PRORP: variants seen among roughly 807,000 people sequenced by gnomAD.
The protein encoded by PRORP is mitochondrial ribonuclease P catalytic subunit.
Under a neutral mutation model 59.4 loss-of-function variants are expected in PRORP, and 51 were observed. The ratio of observed to expected loss-of-function variants is 0.86; its 90% CI spans 0.69 to 1.08. PRORP has a LOEUF of 1.08. PRORP is among the 50% of genes least tolerant of loss of function. The pLI, the probability that PRORP is intolerant of heterozygous loss-of-function variation, is 0.00. For synonymous variants in PRORP, 231 were observed against 245.6 expected (o/e 0.94, Z 0.55); for missense variants, 646 against 690.3 (o/e 0.94, Z 0.72).
chr14:35,158,783 T>C (rs1289197794), intron 4 of PRORP: 1 of 359,496 alleles, frequency 2.8e-6, no homozygotes, highest in African/African-American at 2.2e-5. Context: ...CTACCTTCCT[T>C]GATTAAAACT....
chr14:35,230,507 C>G (rs1160444059), intron 5 of PRORP, among the ~76,000 whole-genome samples: 1 of 152,172 alleles, frequency 6.6e-6, no homozygotes, highest in Non-Finnish European at 1.5e-5. Flanking sequence ...CTTGTTCTCC[C>G]TAAACATTGG....
chr14:35,166,925 T>C (rs1004689615), intron 4 of PRORP, among the ~76,000 whole-genome samples: 9 of 152,200 alleles, frequency 5.9e-5, no homozygotes, highest in Non-Finnish European at 1.2e-4. Context: ...GCTGGCAGTT[T>C]CCACCTTTTG....
intron 6 of PRORP, among the ~76,000 whole-genome samples, chr14:35,268,960 C>T (rs1333615542): frequency 6.6e-6 from 1 of 152,206 alleles, no homozygotes; most frequent in African/African-American, 2.4e-5. Flanking sequence ...AAGCAAACCT[C>T]TCATCCAGTT....
chr14:35,134,938 T>C (rs558774468), intron 4 of PRORP, among the ~76,000 whole-genome samples: 5 of 152,310 alleles, frequency 3.3e-5, no homozygotes, highest in African/African-American at 1.2e-4. Context: ...GTGGTGAGGC[T>C]TGTGGGAACT....
intron 2 of PRORP, among the ~76,000 whole-genome samples, chr14:35,126,118 C>G (rs531575344): frequency 6.6e-6 from 1 of 152,110 alleles, no homozygotes; most frequent in South Asian, 2.1e-4. Flanking sequence ...ACAGGGAGAT[C>G]TGCGTGAATA....
chr14:35,253,355 GAGAAAGAA>G lies in PRORP; in HGVS notation c.1276-13358_1276-13351del, dbSNP rs1262690176. Among the ~76,000 whole-genome samples, 20 of 113,008 alleles carry G rather than the reference GAGAAAGAA, an allele frequency of 1.8e-4. 1 individual carries two copies. Among genetic ancestry groups the G allele is most frequent in the Admixed American group, 1.1e-3 (13 of 11,934 alleles). 74.1% of individuals were successfully genotyped at this position (113,008 alleles called of 152,430 possible). A position where few individuals can be genotyped will look rare whatever the true frequency, so the allele number is the denominator to read the frequency against. ...TCAAAAAAAAAAAAAGAGAGAGAGAGAGAAAGAAAGAAAGAAAGAAAAGAAAGAAAGAA... is the reference window on the plus strand; with the variant it reads ...TCAAAAAAAAAAAAAGAGAGAGAGAGAGAAAGAAAGAAAAGAAAGAAAGAA... On this transcript the variant is annotated intron_variant, in intron 5 of 7. Transcript: ENST00000534898.
chr14:35,268,854 A>G (rs1566539805), intron 6 of PRORP, among the ~76,000 whole-genome samples: 1 of 152,212 alleles, frequency 6.6e-6, no homozygotes, highest in Non-Finnish European at 1.5e-5. Flanking sequence ...TCAGCCTCCC[A>G]AAGTGCTAGG....
chr14:35,132,787 A>G (rs2047280524), intron 4 of PRORP, among the ~76,000 whole-genome samples: 2 of 149,428 alleles, frequency 1.3e-5, no homozygotes, highest in Non-Finnish European at 3.0e-5. Context: ...ACTCCATCAA[A>G]AAAAAAAAAA....
chr14:35,131,491 T>G (rs1375419657), intron 4 of PRORP, among the ~76,000 whole-genome samples: 1 of 151,880 alleles, frequency 6.6e-6, no homozygotes. Context: ...GTATTTTAGC[T>G]CCATTGTATG....
chr14:35,259,992 G>GT (rs2050858996), intron 5 of PRORP, among the ~76,000 whole-genome samples: 1 of 110,444 alleles, frequency 9.1e-6, no homozygotes, highest in East Asian at 2.9e-4. Context: ...AGGTTTTTCG[G>GT]GTTTTTTTTT....
At chr14:35,129,492 T>G (rs79879745) in intron 4 of PRORP, among the ~76,000 whole-genome samples, 126 of 151,704 alleles carry the variant, frequency 8.3e-4, no homozygotes, top group African/African-American at 2.9e-3. Context: ...TTTTTTTTTT[T>G]GAGATGGAGT....
rs200805783 is a variant in PRORP at position 35,180,755 on chromosome 14, C to G, written c.1253C>G (p.Pro418Arg). 24 of 1,609,778 alleles carry G rather than the reference C, an allele frequency of 1.5e-5. No individual in the cohort carries two copies. In the Admixed American group the frequency reaches 2.8e-4, roughly 19 times the overall value. ...IDGLNVAKMF[P>R]KVRESQLLLN... ...GGTCTCAATGTTGCCAAAATGTTTC[C>G]TAAAGTTCGTGAATCTCAACTTGTA... The change falls in exon 5 of 8, where the codon CCT (proline) becomes CGT (arginine). Residue 418 changes from proline (P) to arginine (R), a missense_variant. Pro to Arg is a moderately radical substitution (Grantham distance 103). Transcript: ENST00000534898.
intron 5 of PRORP, among the ~76,000 whole-genome samples, chr14:35,209,793 C>T (rs1001534810): frequency 6.6e-6 from 1 of 152,182 alleles, no homozygotes; most frequent in African/African-American, 2.4e-5. Context: ...TCCTCGGCCT[C>T]CCAAAGTGCT....
chr14:35,244,719 T>C (rs945956674), intron 5 of PRORP, among the ~76,000 whole-genome samples: 3 of 152,238 alleles, frequency 2.0e-5, no homozygotes, highest in African/African-American at 7.2e-5. Flanking sequence ...CTAACACCTT[T>C]GTACCCACCA....
At chr14:35,194,199 A>T in intron 5 of PRORP, among the ~76,000 whole-genome samples, 1 of 151,820 alleles carries the variant, frequency 6.6e-6, no homozygotes, top group African/African-American at 2.4e-5. Context: ...TAGGTATTTT[A>T]CTCTCTTTGT....
At position 35,124,019 on chromosome 14, in the gene PRORP, A is replaced by G; in HGVS notation, c.774A>G (p.Gln258=). ...NDCIQGALLH[Q]DVNTAWNLYQ... is the part of the protein sequence containing the mutation. Reference sequence around the variant, plus strand: ...GTATCCAGGGAGCTCTCCTTCATCAAGATGTAAACACAGCTTGGAATTTAT... The same window carrying G: ...GTATCCAGGGAGCTCTCCTTCATCAGGATGTAAACACAGCTTGGAATTTAT... The change falls in exon 2 of 8, where the codon CAA becomes CAG. Residue 258 remains glutamine (Q), a synonymous_variant. Coordinates refer to ENST00000534898, the MANE Select transcript of PRORP (RefSeq NM_014672.4). 6.2e-7 allele frequency: 1 copy of G among 1,613,964 alleles called. No homozygotes were observed. Among genetic ancestry groups the G allele is most frequent in the Non-Finnish European group, 8.5e-7 (1 of 1,179,946 alleles).
chr14:35,218,468 A>T (rs1362180266), intron 5 of PRORP, among the ~76,000 whole-genome samples: 4 of 140,470 alleles, frequency 2.8e-5, no homozygotes, highest in African/African-American at 1.1e-4. Flanking sequence ...CTAAAAAAAG[A>T]AAAAAAAAAA....
intron 4 of PRORP, among the ~76,000 whole-genome samples, chr14:35,162,162 A>G (rs1341853619): frequency 1.3e-5 from 2 of 152,064 alleles, no homozygotes; most frequent in Non-Finnish European, 2.9e-5. Context: ...ATCTTTCACT[A>G]TTACAAAAGT....
intron 4 of PRORP, among the ~76,000 whole-genome samples, chr14:35,154,902 CTT>C (rs146425703): frequency 4.7e-5 from 7 of 148,992 alleles, no homozygotes; most frequent in Admixed American, 2.0e-4. Context: ...AGTTAAAACT[CTT>C]TTTTTTTTGA....
Sources: allele counts gnomAD v4.1 joint callset (sites outside exome capture counted in the v4.1 genomes callset), GRCh38; gene constraint gnomAD v4.1.1; transcripts MANE v1.5; gene names NCBI Gene and HGNC (gene_info 2026-07-23, HGNC 2026-07-21).